Variants in SLC25A20 observed in about 807,000 individuals in gnomAD.
SLC25A20 encodes mitochondrial carnitine/acylcarnitine carrier protein.
A neutral mutation model predicts 39.7 loss-of-function variants in SLC25A20; 29 were observed. The observed-to-expected ratio is 0.73, with a 90% CI of 0.54 to 1.00. The LOEUF (loss-of-function observed/expected upper bound fraction) is 1.00. Among genes scored for constraint, SLC25A20 ranks in the 50% least tolerant of loss-of-function variants. The probability of loss-of-function intolerance (pLI) is 0.00; values close to 1 mark genes in which losing one functional copy is unlikely to be tolerated. For missense variants in SLC25A20, 333 were observed against 379.9 expected (o/e 0.88, Z 1.03); for synonymous variants, 103 against 142.2 (o/e 0.72, Z 1.96).
intron 1 of SLC25A20, among the ~76,000 whole-genome samples, chr3:48,893,565 A>G (rs142372689): frequency 5.9e-5 from 9 of 151,982 alleles, no homozygotes; most frequent in Middle Eastern, 3.4e-3. Flanking sequence ...ACAGGGTCTC[A>G]CTGTCTCGCC....
At chr3:48,880,955 C>T (rs949434177) in intron 3 of SLC25A20, among the ~76,000 whole-genome samples, 2 of 152,070 alleles carry the variant, frequency 1.3e-5, no homozygotes, top group Non-Finnish European at 2.9e-5. Context: ...AACAGAGTTC[C>T]ACAACTTAGC....
intron 3 of SLC25A20, among the ~76,000 whole-genome samples, chr3:48,882,782 G>T (rs928563450): frequency 6.6e-6 from 1 of 152,092 alleles, no homozygotes; most frequent in African/African-American, 2.4e-5. Context: ...CCAGCTACTT[G>T]GGGGGCTGAG....
At chr3:48,883,618 C>CT (rs761695690) in intron 3 of SLC25A20, among the ~76,000 whole-genome samples, 62,660 of 97,410 alleles carry the variant, frequency 0.64, 21,827 homozygotes, top group East Asian at 0.94. Flanking sequence ...CACCAAGGTC[C>CT]TTTTTTTTTT....
chr3:48,880,548 G>T (rs2083789283), intron 3 of SLC25A20, among the ~76,000 whole-genome samples: 1 of 146,236 alleles, frequency 6.8e-6, no homozygotes, highest in East Asian at 2.0e-4. Context: ...GAGTGCTAGG[G>T]TTACAGCATG....
chr3:48,859,584 C>T lies in SLC25A20; in HGVS notation c.579G>A (p.Leu193=), dbSNP rs529145793. 6.2e-7 allele frequency: 1 copy of T among 1,614,048 alleles called. No individual in the cohort carries two copies. Among genetic ancestry groups the T allele is most frequent in the African/African-American group, 1.3e-5 (1 of 75,052 alleles). The stretch of plus-strand genomic sequence containing the variant: ...TTCCCTCCGGAGTGAAGATATTTTT[C>T]AGCCATTCATATGTCATGAAATACA... ...SGMYFMTYEW[L]KNIFTPEGKR... is the part of the protein sequence containing the mutation. The change falls in exon 6 of 9, where the codon CTG becomes CTA. Residue 193 remains leucine (L), a synonymous_variant. Coordinates refer to ENST00000319017, the MANE Select transcript of SLC25A20 (RefSeq NM_000387.6).
At chr3:48,893,958 C>T (rs2083895450) in intron 1 of SLC25A20, among the ~76,000 whole-genome samples, 1 of 150,008 alleles carries the variant, frequency 6.7e-6, no homozygotes, top group African/African-American at 2.4e-5. Context: ...GTCAGGAGTT[C>T]AAGACCAGCA....
intron 8 of SLC25A20, 29 bp from the exon 9 acceptor site, chr3:48,857,801 G>C (rs751921896): frequency 6.2e-7 from 1 of 1,604,350 alleles, no homozygotes; most frequent in Non-Finnish European, 8.5e-7. Flanking sequence ...GAAGAAAAAA[G>C]CCAGCAGGAA....
At chr3:48,882,783 G>C (rs1575988794) in intron 3 of SLC25A20, among the ~76,000 whole-genome samples, 1 of 152,118 alleles carries the variant, frequency 6.6e-6, no homozygotes, top group African/African-American at 2.4e-5. Flanking sequence ...CAGCTACTTG[G>C]GGGGCTGAGG....
chr3:48,898,541 G>A lies in SLC25A20; in HGVS notation c.105+149C>T, dbSNP rs1193468337. ...TTTGGGGCGCAAGGTACAGCTTCCT[G>A]CCCACCCCTGAAAGAGAGATTCCCT... On this transcript the variant is annotated intron_variant, in intron 1 of 8. Transcript: ENST00000319017. The A allele has an allele frequency of 6.2e-6, 5 of 809,362 alleles. No homozygotes were observed. The East Asian group carries it at 1.3e-4, about 22-fold the overall frequency. The allele number at this position is 809,362 out of a possible 1,614,324, so 50.1% of individuals were successfully genotyped here. A position where few individuals can be genotyped will look rare whatever the true frequency, so the allele number is the denominator to read the frequency against.
chr3:48,875,063 GA>G (rs35547809), intron 4 of SLC25A20, among the ~76,000 whole-genome samples: 212 of 105,866 alleles, frequency 2.0e-3, no homozygotes, highest in African/African-American at 3.1e-3. Flanking sequence ...CTCTGTCTCA[GA>G]AAAAAAAAAA....
rs766757517 is a variant in SLC25A20 at position 48,883,999 on chromosome 3, G to A, written c.324C>T (p.Leu108=). 4 of 1,613,204 alleles carry A rather than the reference G, an allele frequency of 2.5e-6. No homozygotes were observed. The African/African-American group carries it at 4.0e-5, about 16-fold the overall frequency. The change falls in exon 3 of 9, where the codon CTC becomes CTT. Residue 108 remains leucine (L), a splice_region_variant and synonymous_variant. Coordinates refer to ENST00000319017, the MANE Select transcript of SLC25A20 (RefSeq NM_000387.6). The part of the protein sequence containing the change: ...KLQQKHPEDV[L]SYPQLFAAGM... ...GCTCCTGACCTGTAAGTACTCACCT[G>A]AGCACATCTTCTGGGTGTTTCTGTT...
intron 3 of SLC25A20, among the ~76,000 whole-genome samples, chr3:48,882,030 G>A (rs1048960233): frequency 5.3e-5 from 8 of 152,146 alleles, no homozygotes; most frequent in South Asian, 2.1e-4. Context: ...ACCGCATGGC[G>A]CCCTGGGCTT....
At chr3:48,859,041 C>A (rs775748746) in intron 7 of SLC25A20, 51 bp downstream of exon 7, 3 of 1,446,822 alleles carry the variant, frequency 2.1e-6, no homozygotes, top group South Asian at 1.2e-5. Flanking sequence ...CAGGATTAGC[C>A]AGTGCTGGGG....
chr3:48,868,815 C>G (rs1478665711), intron 4 of SLC25A20, among the ~76,000 whole-genome samples: 1 of 152,098 alleles, frequency 6.6e-6, no homozygotes, highest in Admixed American at 6.6e-5. Flanking sequence ...AATGAAGTAC[C>G]CAACATGTTA....
chr3:48,897,075 C>CT (rs2083914793), intron 1 of SLC25A20, among the ~76,000 whole-genome samples: 1 of 102,140 alleles, frequency 9.8e-6, no homozygotes, highest in African/African-American at 3.5e-5. Context: ...TTCTTCTTCT[C>CT]CTTTTTTTTT....
chr3:48,884,434 T>A (rs1460122290), intron 2 of SLC25A20, among the ~76,000 whole-genome samples: 4 of 152,044 alleles, frequency 2.6e-5, no homozygotes, highest in African/African-American at 9.7e-5. Context: ...ATCACAGCCT[T>A]GATCCCCTGG....
rs748394731 is a variant in SLC25A20, at chr3:48,879,378, G to C, written c.397C>G (p.Arg133Gly). The C allele has an allele frequency of 2.0e-5, 33 of 1,612,548 alleles. No individual in the cohort carries two copies. Among genetic ancestry groups the C allele is most frequent in the Non-Finnish European group, 2.8e-5 (33 of 1,178,740 alleles). ...CTTACCTGTAATAAGCACTTGATCC[G>C]TTCTCCAGGAGTCATGATTCCTGTG... The part of the protein sequence containing the change: ...FTTGIMTPGE[R>G]IKCLLQIQAS... Residue 133 changes from arginine (R) to glycine (G), a missense_variant, in exon 4 of 9, where the codon CGG becomes GGG. Coordinates refer to ENST00000319017, the MANE Select transcript of SLC25A20 (RefSeq NM_000387.6).
intron 1 of SLC25A20, 86 bp downstream of exon 1, chr3:48,898,604 C>A: frequency 1.6e-6 from 2 of 1,253,548 alleles, no homozygotes; most frequent in Admixed American, 2.0e-5. Flanking sequence ...CCCTCTTCTG[C>A]CCAGCGTCCG....
intron 1 of SLC25A20, 73 bp downstream of exon 1, chr3:48,898,617 C>T: frequency 7.3e-7 from 1 of 1,378,380 alleles, no homozygotes. Flanking sequence ...AGCGTCCGCG[C>T]CTCGCGGGGG....
Sources: gnomAD v4.1 joint callset for allele counts (sites outside exome capture counted in the v4.1 genomes callset) on GRCh38, gnomAD v4.1.1 for gene constraint, MANE v1.5 for transcripts, NCBI Gene and HGNC (gene_info 2026-07-23, HGNC 2026-07-21) for gene names.